Variants in ZNF410 observed in about 807,000 individuals in gnomAD.
ZNF410 encodes zinc finger protein 410.
In ZNF410, 18 loss-of-function variants were observed where a neutral mutation model predicts 54.8. The observed-to-expected ratio is 0.33, with a 90% CI of 0.23 to 0.49. ZNF410 has a LOEUF of 0.49. Ranked by LOEUF, ZNF410 falls within the 20% of genes least tolerant of loss-of-function variation. The probability of loss-of-function intolerance (pLI) is 0.99; values close to 1 mark genes in which losing one functional copy is unlikely to be tolerated. For missense variants in ZNF410, 405 were observed against 569.6 expected, an observed-to-expected ratio of 0.71 and a Z score of 2.94; for synonymous variants, 191 against 207.3, an observed-to-expected ratio of 0.92 and a Z score of 0.68.
At chr14:73,897,294 G>A (rs2140298416) in intron 4 of ZNF410, among the ~76,000 whole-genome samples, 1 of 152,218 alleles carries the variant, frequency 6.6e-6, no homozygotes, top group South Asian at 2.1e-4. Flanking sequence ...ACTTGTTCAA[G>A]AAGCTTGACT....
intron 8 of ZNF410, among the ~76,000 whole-genome samples, chr14:73,917,303 A>C (rs1361829724): frequency 6.6e-6 from 1 of 152,196 alleles, no homozygotes; most frequent in Non-Finnish European, 1.5e-5. Flanking sequence ...CATTGTTTTA[A>C]TATATCACCA....
intron 8 of ZNF410, among the ~76,000 whole-genome samples, chr14:73,915,114 T>C (rs112209719): frequency 1.3e-5 from 2 of 150,560 alleles, no homozygotes; most frequent in African/African-American, 4.9e-5. Flanking sequence ...AATACAAAAT[T>C]ATCCAGGTGT....
At chr14:73,920,538 T>G (rs1216303409) in intron 8 of ZNF410, 2 of 156,322 alleles carry the variant, frequency 1.3e-5, no homozygotes, top group East Asian at 3.8e-4. Flanking sequence ...TTTAGATTAT[T>G]ATGTTGTAAG....
intron 8 of ZNF410, 182 bp downstream of exon 8, chr14:73,909,612 G>GGT (rs927015323): frequency 6.0e-6 from 3 of 498,536 alleles, no homozygotes; most frequent in Admixed American, 3.7e-5. Flanking sequence ...AAGGTTGGGG[G>GGT]GGGGACATCT....
intron 11 of ZNF410, chr14:73,928,064 C>G (rs1278449629): frequency 6.4e-6 from 1 of 156,318 alleles, no homozygotes; most frequent in African/African-American, 2.4e-5. Context: ...GTCTCAAACT[C>G]CTGACCTTAG....
In ZNF410 at chr14:73,896,402, G is replaced by A. The variant is rs201186393; in HGVS notation, c.256G>A (p.Gly86Arg). 5.9e-5 allele frequency: 96 copies of A among 1,614,024 alleles called. No individual in the cohort carries two copies. The highest frequency in any genetic ancestry group is 5.3e-5 in the African/African-American group (4 of 74,926). ...RSLRVNVGPD[G>R]EETRAQTVQK... ...CCTTCGGGTGAATGTGGGTCCAGAC[G>A]GAGAGGAGACGAGAGCTCAGACTGT... Residue 86 changes from glycine (G) to arginine (R), a missense_variant, in exon 4 of 12, where the codon GGA (glycine) becomes AGA (arginine). Gly to Arg is a moderately radical substitution (Grantham distance 125). Transcript: ENST00000555044.
chr14:73,894,309 C>T (rs1332551687), intron 3 of ZNF410: 1 of 701,390 alleles, frequency 1.4e-6, no homozygotes, highest in Non-Finnish European at 2.6e-6. Context: ...ATGCTACTGA[C>T]AGGCCCAGTG....
chr14:73,906,289 C>A (rs1055924581), intron 7 of ZNF410: 1 of 151,648 alleles, frequency 6.6e-6, no homozygotes, highest in African/African-American at 2.4e-5. Context: ...CAGGCTTGAG[C>A]CACTGTGCCC....
In ZNF410 at chr14:73,930,572, G is replaced by A. The variant is rs1390041708; in HGVS notation, c.1399-931G>A. On this transcript the variant is annotated intron_variant, in intron 11 of 11. Transcript: ENST00000555044. ...GATTAGATTTTAATAAGTTGTTTTT[G>A]TTCTGAATTTTACTGAATTGTTCCC... 4.6e-5 allele frequency among the ~76,000 whole-genome samples: 7 copies of A among 152,136 alleles called. 1 individual carries two copies. Among genetic ancestry groups the A allele is most frequent in the Admixed American group, 4.6e-4 (7 of 15,266 alleles).
chr14:73,905,020 T>C lies in ZNF410; in HGVS notation c.850T>C (p.Ser284Pro), dbSNP rs775448235. 3 of 1,614,018 alleles carry C rather than the reference T, an allele frequency of 1.9e-6. No homozygotes were observed. Among genetic ancestry groups the C allele is most frequent in the Non-Finnish European group, 2.5e-6 (3 of 1,180,020 alleles). ...AGAGAAGCCCTTTATGTGCCATGAG[T>C]CTGGCTGTGGTAAGCAGTTTACTAC... ...NGEKPFMCHE[S>P]GCGKQFTTAG... The change falls in exon 7 of 12, where the codon TCT becomes CCT. Residue 284 changes from serine to proline, a missense_variant. Coordinates refer to ENST00000555044, the MANE Select transcript of ZNF410 (RefSeq NM_021188.3).
intron 8 of ZNF410, among the ~76,000 whole-genome samples, chr14:73,910,533 C>T (rs7151284): frequency 0.33 from 49,716 of 151,862 alleles, 9,446 homozygotes; most frequent in Non-Finnish European, 0.42. Flanking sequence ...CACTTGAGGT[C>T]AGGAGTTCGA....
chr14:73,912,626 A>G (rs2055601671), intron 8 of ZNF410, among the ~76,000 whole-genome samples: 1 of 152,212 alleles, frequency 6.6e-6, no homozygotes, highest in South Asian at 2.1e-4. Flanking sequence ...CACTAATATC[A>G]AGTAGGGCTA....
At chr14:73,923,631 A>G (rs1019691539) in intron 11 of ZNF410, 109 bp downstream of exon 11, 8 of 1,423,438 alleles carry the variant, frequency 5.6e-6, no homozygotes, top group Non-Finnish European at 7.6e-6. Context: ...AAACTTTGGC[A>G]CGAATATTTT....
chr14:73,905,215 T>C (rs984661740), intron 7 of ZNF410, 132 bp downstream of exon 7: 40 of 916,228 alleles, frequency 4.4e-5, no homozygotes, highest in Non-Finnish European at 5.7e-5. Context: ...AAGATGGGAT[T>C]TCTTTTTCAA....
chr14:73,931,462 C>G, intron 11 of ZNF410, 41 bp from the exon 12 acceptor site: 1 of 1,557,768 alleles, frequency 6.4e-7, no homozygotes. Context: ...TTCTATAATT[C>G]AACTGTAACC....
chr14:73,917,244 T>C (rs576805848), intron 8 of ZNF410, among the ~76,000 whole-genome samples: 45 of 152,274 alleles, frequency 3.0e-4, no homozygotes, highest in Admixed American at 2.8e-3. Flanking sequence ...TTTAAGACTT[T>C]TGGAGCTGTG....
rs1308208864 is a variant in ZNF410, at chr14:73,899,178, CCATT to C, written c.580+919_580+922del. 4.0e-5 allele frequency among the ~76,000 whole-genome samples: 6 copies of C among 151,600 alleles called. No homozygotes were observed. The East Asian group carries it at 9.6e-4, about 24-fold the overall frequency. ...TATGCTTATTATTATTTTTTGATTACCATTCAAATGAAAATAAAAAGTTAAAATT... is the reference window on the plus strand; with the variant it reads ...TATGCTTATTATTATTTTTTGATTACCAAATGAAAATAAAAAGTTAAAATT... On this transcript the variant is annotated intron_variant, in intron 5 of 11. Transcript: ENST00000555044.
At chr14:73,894,754 C>T (rs1330389825) in intron 3 of ZNF410, among the ~76,000 whole-genome samples, 1 of 152,078 alleles carries the variant, frequency 6.6e-6, no homozygotes, top group Non-Finnish European at 1.5e-5. Context: ...TAAAGTCTCT[C>T]CTGGTACGAG....
chr14:73,921,983 A>C, intron 9 of ZNF410, 83 bp from the exon 10 acceptor site: 1 of 1,534,334 alleles, frequency 6.5e-7, no homozygotes, highest in Non-Finnish European at 8.9e-7. Flanking sequence ...AATGAAAGAG[A>C]AGGCCAGCTT....
Sources: allele counts gnomAD v4.1 joint callset (sites outside exome capture counted in the v4.1 genomes callset), GRCh38; gene constraint gnomAD v4.1.1; transcripts MANE v1.5; gene names NCBI Gene and HGNC (gene_info 2026-07-23, HGNC 2026-07-21).